The following SMIM29 variants were observed in gnomAD, a reference collection of about 807,000 sequenced individuals.
SMIM29 encodes the protein uncharacterized protein C6orf1.
SMIM29 carries 4 observed loss-of-function variants against 12.9 expected under a neutral mutation model. The ratio of observed to expected loss-of-function variants is 0.31; its 90% CI spans 0.15 to 0.71. The LOEUF (loss-of-function observed/expected upper bound fraction) is 0.71. Ranked by LOEUF, SMIM29 falls within the 30% of genes least tolerant of loss-of-function variation. SMIM29 has a pLI of 0.70. For missense variants in SMIM29, 122 were observed against 138.1 expected, an observed-to-expected ratio of 0.88 and a Z score of 0.58; for synonymous variants, 50 against 52.0, an observed-to-expected ratio of 0.96 and a Z score of 0.17.
rs1260427209 is a variant in SMIM29 at position 34,247,092 on chromosome 6, T to A, written c.195A>T (p.Glu65Asp). ...GCAGCTCCTGCTCAGCCTCATGCAG[T>A]TCCTCAGCTGGGTCATAGCTGTACA... ...LPMYSYDPAE[E>D]LHEAEQELLS... The change falls in exon 4 of 5, where the codon GAA (glutamate) becomes GAT (aspartate). Residue 65 changes from glutamate to aspartate, a missense_variant. Transcript: ENST00000476320. 3 of 1,614,096 alleles carry A rather than the reference T, an allele frequency of 1.9e-6. No homozygotes were observed. In the East Asian group the frequency reaches 6.7e-5, roughly 36 times the overall value.
At chr6:34,247,181 G>A (rs1762828487) in intron 3 of SMIM29, 32 bp from the exon 4 acceptor site, 2 of 1,610,054 alleles carry the variant, frequency 1.2e-6, no homozygotes, top group East Asian at 2.2e-5. Context: ...TCAGCTAGGA[G>A]GTCCCCCCAA....
At chr6:34,248,343 C>T (rs1156549939) in intron 1 of SMIM29, 3 of 985,458 alleles carry the variant, frequency 3.0e-6, no homozygotes, top group Non-Finnish European at 3.6e-6. Context: ...CCACTTCAAG[C>T]GATGGGCTCC....
At chr6:34,247,656 C>G in intron 2 of SMIM29, 25 bp downstream of exon 2, 1 of 1,434,922 alleles carries the variant, frequency 7.0e-7, no homozygotes, top group Non-Finnish European at 9.1e-7. Context: ...CTGTGGGTGT[C>G]TGTGTGTATA....
chr6:34,246,492 G>C lies in SMIM29; in HGVS notation c.*311C>G, dbSNP rs750565943. 1.3e-6 allele frequency: 2 copies of C among 1,520,774 alleles called. No homozygotes were observed. The highest frequency in any genetic ancestry group is 1.8e-6 in the Non-Finnish European group (2 of 1,135,592). 94.2% of individuals were successfully genotyped at this position (1,520,774 alleles called of 1,614,324 possible). On this transcript the variant is annotated 3_prime_UTR_variant, in exon 5 of 5. Transcript: ENST00000476320. ...CTCCAAAGCCTGCCTGGGGATTTGT[G>C]CCCAAGCCCAGCCCAGGAGGGCTAG...
At position 34,247,075 on chromosome 6, in the gene SMIM29, T is replaced by C. The variant is rs1278955986; in HGVS notation, c.212A>G (p.Gln71Arg). 2 of 1,614,000 alleles carry C rather than the reference T, an allele frequency of 1.2e-6. No individual in the cohort carries two copies. Among genetic ancestry groups the C allele is most frequent in the African/African-American group, 2.7e-5 (2 of 74,936 alleles). ...DPAEELHEAE[Q>R]ELLSDMGDPK... ...GTCTCCCATGTCAGAGAGCAGCTCCTGCTCAGCCTCATGCAGTTCCTCAGC... is the reference window on the plus strand; with the variant it reads ...GTCTCCCATGTCAGAGAGCAGCTCCCGCTCAGCCTCATGCAGTTCCTCAGC... Residue 71 changes from glutamine to arginine, a missense_variant, in exon 4 of 5, where the codon CAG becomes CGG. Transcript: ENST00000476320.
chr6:34,247,122 G>A lies in SMIM29; in HGVS notation c.165C>T (p.Leu55=). ...KRVDRLRHHL[L]PMYSYDPAEE... is the part of the protein sequence containing the mutation. ...CAGCTGGGTCATAGCTGTACATGGG[G>A]AGCAGGTGATGGCGCAGCCGGTCCA... Residue 55 remains leucine (L), a synonymous_variant, in exon 4 of 5, where the codon CTC becomes CTT. Coordinates refer to ENST00000476320, the MANE Select transcript of SMIM29 (RefSeq NM_001008703.4). 3.7e-6 allele frequency: 6 copies of A among 1,614,104 alleles called. No homozygotes were observed. The highest frequency in any genetic ancestry group is 4.2e-6 in the Non-Finnish European group (5 of 1,180,014).
chr6:34,246,675 G>A lies in SMIM29; in HGVS notation c.*128C>T, dbSNP rs181922372. On this transcript the variant is annotated 3_prime_UTR_variant, in exon 5 of 5. Transcript: ENST00000476320. Reference sequence around the variant, plus strand: ...GCATGGGAAGCAGATGCTGCTGAGGGTGGGTGGAGGGAGAAATGGAGACCC... The same window carrying A: ...GCATGGGAAGCAGATGCTGCTGAGGATGGGTGGAGGGAGAAATGGAGACCC... 54 of 1,613,940 alleles carry A rather than the reference G, an allele frequency of 3.3e-5. No homozygotes were observed. The African/African-American group carries it at 6.5e-4, about 20-fold the overall frequency.
In SMIM29 at chr6:34,248,146, T is replaced by A. The variant is rs542077377; in HGVS notation, c.-73-282A>T. The A allele has an allele frequency of 7.7e-5, 76 of 985,368 alleles. No homozygotes were observed. In the African/African-American group the frequency reaches 1.3e-3, roughly 16 times the overall value. The allele number at this position is 985,368 out of a possible 1,614,324, so 61.0% of individuals were successfully genotyped here. ...CAGATGCTGGCCAAACATTTACAAG[T>A]CTCAGCTTCTGGGGAAAGATTAAGT... On this transcript the variant is annotated intron_variant, in intron 1 of 4. Coordinates refer to ENST00000476320, the MANE Select transcript of SMIM29 (RefSeq NM_001008703.4).
intron 4 of SMIM29, 25 bp downstream of exon 4, chr6:34,247,019 C>T: frequency 6.2e-7 from 1 of 1,613,938 alleles, no homozygotes; most frequent in Non-Finnish European, 8.5e-7. Context: ...TTGCCTCATT[C>T]TCCCCCTGGC....
chr6:34,247,852 T>G lies in SMIM29; in HGVS notation c.-61A>C. 7.9e-7 allele frequency: 1 copy of G among 1,260,250 alleles called. No homozygotes were observed. Among genetic ancestry groups the G allele is most frequent in the Non-Finnish European group, 9.9e-7 (1 of 1,005,636 alleles). 78.1% of individuals were successfully genotyped at this position (1,260,250 alleles called of 1,614,324 possible). Reference sequence around the variant, plus strand: ...GGCAGTGGCGCTTCGGGAGGGCGCCTCCACTGGGCTCCCTGGGAAGGAGGA... The same window carrying G: ...GGCAGTGGCGCTTCGGGAGGGCGCCGCCACTGGGCTCCCTGGGAAGGAGGA... On this transcript the variant is annotated 5_prime_UTR_variant, in exon 2 of 5. Coordinates refer to ENST00000476320, the MANE Select transcript of SMIM29 (RefSeq NM_001008703.4).
Position 34,247,059 on chromosome 6 carries a change from G to T in SMIM29, c.228C>A (p.Asp76Glu), listed in dbSNP as rs779181696. ...LHEAEQELLSDMGDPKVVHGW... is the reference protein window; with the variant it reads ...LHEAEQELLSEMGDPKVVHGW... ...AAGTGCTCACCTTGGGGTCTCCCATGTCAGAGAGCAGCTCCTGCTCAGCCT... is the reference window on the plus strand; with the variant it reads ...AAGTGCTCACCTTGGGGTCTCCCATTTCAGAGAGCAGCTCCTGCTCAGCCT... Residue 76 changes from aspartate to glutamate, a missense_variant, in exon 4 of 5, where the codon GAC (aspartate) becomes GAA (glutamate). By Grantham distance (45) the Asp-to-Glu change is conservative. Coordinates refer to ENST00000476320, the MANE Select transcript of SMIM29 (RefSeq NM_001008703.4). 3.2e-5 allele frequency: 52 copies of T among 1,613,992 alleles called. No homozygotes were observed. The highest frequency in any genetic ancestry group is 3.7e-5 in the Non-Finnish European group (44 of 1,180,036).
rs561091612 is a variant in SMIM29 at position 34,246,400 on chromosome 6, A to C, written c.*403T>G. 8.1e-7 allele frequency: 1 copy of C among 1,242,020 alleles called. No individual in the cohort carries two copies. The highest frequency in any genetic ancestry group is 1.5e-5 in the African/African-American group (1 of 66,174). The allele number at this position is 1,242,020 out of a possible 1,614,324, so 76.9% of individuals were successfully genotyped here. A position where few individuals can be genotyped will look rare whatever the true frequency, so the allele number is the denominator to read the frequency against. On this transcript the variant is annotated 3_prime_UTR_variant, in exon 5 of 5. Coordinates refer to ENST00000476320, the MANE Select transcript of SMIM29 (RefSeq NM_001008703.4). ...CTTGATGAAATCAAAACCCCTAGCC[A>C]CAAAACATTTTATTTACAAAATATA... is the stretch of plus-strand genomic sequence containing the variant.
chr6:34,247,390 C>A lies in SMIM29; in HGVS notation c.137+77G>T, dbSNP rs138631327. 192 of 1,482,312 alleles carry A rather than the reference C, an allele frequency of 1.3e-4. 1 individual carries two copies. The East Asian group carries it at 4.8e-3, about 37-fold the overall frequency. The allele number at this position is 1,482,312 out of a possible 1,614,324, so 91.8% of individuals were successfully genotyped here. A position where few individuals can be genotyped will look rare whatever the true frequency, so the allele number is the denominator to read the frequency against. ...ATCAGGATGGCTGAGGGACATCTTA[C>A]AGAAAAGTCAGAGCCTATGAGCAGG... On this transcript the variant is annotated intron_variant, in intron 3 of 4. Coordinates refer to ENST00000476320, the MANE Select transcript of SMIM29 (RefSeq NM_001008703.4).
chr6:34,248,071 G>A, intron 1 of SMIM29: 1 of 985,454 alleles, frequency 1.0e-6, no homozygotes, highest in South Asian at 4.7e-5. Flanking sequence ...CCTGGATCCA[G>A]GGCTGAGTCT....
chr6:34,247,619 G>A (rs1307559172), intron 2 of SMIM29, 62 bp downstream of exon 2: 5 of 1,447,748 alleles, frequency 3.5e-6, no homozygotes, highest in Non-Finnish European at 3.6e-6. Context: ...ACTGGACCAG[G>A]CCCACCCAGC....
rs1762790552 is a variant in SMIM29, at chr6:34,246,738, G to A, written c.*65C>T. 2 of 1,613,660 alleles carry A rather than the reference G, an allele frequency of 1.2e-6. No individual in the cohort carries two copies. The highest frequency in any genetic ancestry group is 1.7e-5 in the Admixed American group (1 of 60,004). On this transcript the variant is annotated 3_prime_UTR_variant, in exon 5 of 5. Transcript: ENST00000476320. ...GGGGAGCCAGGTGACAGCAGGGGAA[G>A]CAGATGGCAGGGCCCCAGGCAGTCC...
At chr6:34,247,218 T>TCC (rs2127551718) in intron 3 of SMIM29, 69 bp from the exon 4 acceptor site, 3 of 1,457,830 alleles carry the variant, frequency 2.1e-6, no homozygotes, top group Non-Finnish European at 1.8e-6. Flanking sequence ...GGCTGCCTCG[T>TCC]CTCCTCCCTT....
rs374464893 is a variant in SMIM29, at chr6:34,247,487, C to T, written c.117G>A (p.Met39Ile). 3.8e-6 allele frequency: 6 copies of T among 1,577,680 alleles called. No individual in the cohort carries two copies. The highest frequency in any genetic ancestry group is 4.3e-6 in the Non-Finnish European group (5 of 1,161,060). ...TLVGVVVAVV[M>I]YVQKKKRVDR... is the part of the protein sequence containing the mutation. ...CTCACCGCTTTTTCTTCTGTACATA[C>T]ATTACCTGCAACAGAGACACAGCAC... Residue 39 changes from methionine (M) to isoleucine (I), a missense_variant, in exon 3 of 5, where the codon ATG becomes ATA. Physicochemically the swap from Met to Ile is conservative, Grantham distance 10 (BLOSUM62 1). Transcript: ENST00000476320.
intron 4 of SMIM29, 85 bp downstream of exon 4, chr6:34,246,959 T>A: frequency 6.2e-7 from 1 of 1,607,434 alleles, no homozygotes; most frequent in Non-Finnish European, 8.5e-7. Flanking sequence ...AGAACCAGGC[T>A]CTGGTTTCAG....
Sources: allele counts gnomAD v4.1 joint callset, GRCh38; gene constraint gnomAD v4.1.1; transcripts MANE v1.5; gene names NCBI Gene and HGNC (gene_info 2026-07-23, HGNC 2026-07-21).